ITGBL1: variants seen among roughly 807,000 people sequenced by gnomAD.
The protein encoded by ITGBL1 is integrin beta-like protein 1.
In ITGBL1, 51 loss-of-function variants were observed where a neutral mutation model predicts 68.5. The observed-to-expected ratio is 0.74, with a 90% CI of 0.59 to 0.94. ITGBL1 has a LOEUF of 0.94. Among genes scored for constraint, ITGBL1 ranks in the 40% least tolerant of loss-of-function variants. The pLI is 0.00. For synonymous variants in ITGBL1, 209 were observed against 227.3 expected, an observed-to-expected ratio of 0.92 and a Z score of 0.72; for missense variants, 649 against 647.4, an observed-to-expected ratio of 1.00 and a Z score of -0.03.
chr13:101,595,775 A>G (rs1322466037), intron 6 of ITGBL1, among the ~76,000 whole-genome samples: 1 of 152,168 alleles, frequency 6.6e-6, no homozygotes. Context: ...GCCATTATGG[A>G]CGATACTATG....
In ITGBL1 at chr13:101,699,180, C is replaced by T. The variant is rs544782294; in HGVS notation, c.1132+6479C>T. Among the ~76,000 whole-genome samples the T allele has an allele frequency of 3.9e-5, 6 of 152,294 alleles. No individual in the cohort carries two copies. The East Asian group carries it at 5.8e-4, about 15-fold the overall frequency. ...CTCCAAATTACATCTTAAAATTGCA[C>T]ACCTGTTTCGTGAATTTGTAAGAGG... On this transcript the variant is annotated intron_variant, in intron 8 of 10. Coordinates refer to ENST00000376180, the MANE Select transcript of ITGBL1 (RefSeq NM_004791.3).
intron 2 of ITGBL1, among the ~76,000 whole-genome samples, chr13:101,458,114 G>A (rs1351116916): frequency 1.3e-5 from 2 of 152,120 alleles, no homozygotes; most frequent in African/African-American, 4.8e-5. Flanking sequence ...GGGATAGAAG[G>A]CAGCTTACCA....
At chr13:101,505,965 C>G (rs1004445338) in intron 2 of ITGBL1, among the ~76,000 whole-genome samples, 9 of 152,102 alleles carry the variant, frequency 5.9e-5, no homozygotes, top group Non-Finnish European at 1.3e-4. Context: ...TCTGAGCTCC[C>G]TTTTTTGGCT....
intron 7 of ITGBL1, among the ~76,000 whole-genome samples, chr13:101,604,888 A>ATGTATATATATATATACACC (rs2030629827): frequency 1.1e-4 from 1 of 9,220 alleles, no homozygotes; most frequent in Non-Finnish European, 3.0e-4. Flanking sequence ...ATATATATAT[A>ATGTATATATATATATACACC]CACACACACA....
At chr13:101,616,373 T>G (rs1199806370) in intron 7 of ITGBL1, among the ~76,000 whole-genome samples, 2 of 152,200 alleles carry the variant, frequency 1.3e-5, no homozygotes, top group Admixed American at 1.3e-4. Flanking sequence ...TGAAGTATTT[T>G]GGCTTAAATT....
At chr13:101,517,141 G>C (rs1035960546) in intron 2 of ITGBL1, among the ~76,000 whole-genome samples, 3 of 152,072 alleles carry the variant, frequency 2.0e-5, no homozygotes, top group African/African-American at 7.2e-5. Flanking sequence ...CCTTGCTTCT[G>C]TCTGCCCCTA....
chr13:101,589,893 C>T (rs898592271), intron 6 of ITGBL1, among the ~76,000 whole-genome samples: 1 of 152,090 alleles, frequency 6.6e-6, no homozygotes, highest in Non-Finnish European at 1.5e-5. Flanking sequence ...GGTGTGGGAG[C>T]TTATAGGCTG....
chr13:101,692,809 A>G (rs1399963889), intron 8 of ITGBL1, 108 bp downstream of exon 8: 8 of 759,048 alleles, frequency 1.1e-5, no homozygotes, highest in Non-Finnish European at 1.4e-5. Flanking sequence ...AATAAGATAA[A>G]CAGAAAGCAA....
chr13:101,624,746 T>C (rs759806535), intron 7 of ITGBL1, among the ~76,000 whole-genome samples: 61 of 152,294 alleles, frequency 4.0e-4, no homozygotes, highest in South Asian at 6.2e-4. Context: ...ACAGATTCCC[T>C]TTGTTGATGA....
intron 7 of ITGBL1, among the ~76,000 whole-genome samples, chr13:101,640,114 A>G (rs2032312945): frequency 6.6e-6 from 1 of 152,202 alleles, no homozygotes; most frequent in South Asian, 2.1e-4. Flanking sequence ...TAATTTTTGA[A>G]TCAACTTTCA....
intron 7 of ITGBL1, among the ~76,000 whole-genome samples, chr13:101,686,876 T>C (rs1393282971): frequency 6.6e-6 from 1 of 152,192 alleles, no homozygotes; most frequent in Non-Finnish European, 1.5e-5. Context: ...TATAACATTC[T>C]AAAATTTTAA....
chr13:101,528,956 A>C (rs2049427061), intron 2 of ITGBL1, among the ~76,000 whole-genome samples: 1 of 152,056 alleles, frequency 6.6e-6, no homozygotes, highest in African/African-American at 2.4e-5. Context: ...TAGCTAAATG[A>C]CATTAAGAAT....
intron 7 of ITGBL1, among the ~76,000 whole-genome samples, chr13:101,689,662 C>A (rs1315035890): frequency 3.3e-5 from 5 of 152,022 alleles, no homozygotes; most frequent in Non-Finnish European, 7.4e-5. Context: ...TTTTACCTCT[C>A]TGTCTGCAAT....
Position 101,666,867 on chromosome 13 carries a change from G to A in ITGBL1, c.1016-25718G>A, listed in dbSNP as rs548210959. ...CAAGGTCACCTTCAGGAACCCAGTC[G>A]GTTCCAAGAAAAATTCTATACAATG... On this transcript the variant is annotated intron_variant, in intron 7 of 10. Transcript: ENST00000376180. Among the ~76,000 whole-genome samples, 116 of 152,172 alleles carry A rather than the reference G, an allele frequency of 7.6e-4. 1 individual carries two copies. Among genetic ancestry groups the A allele is most frequent in the African/African-American group, 5.5e-4 (23 of 41,510 alleles).
Position 101,453,914 on chromosome 13 carries a change from C to G in ITGBL1, c.130C>G (p.Arg44Gly). The change falls in exon 2 of 11, where the codon CGG becomes GGG. Residue 44 changes from arginine (R) to glycine (G), a missense_variant. Coordinates refer to ENST00000376180, the MANE Select transcript of ITGBL1 (RefSeq NM_004791.3). ...GCCGGGCGCCGCCTGCAGGCTGTCC[C>G]GGGCCGAGTCGGAGCGACGCTGCCG... Reference protein sequence around the residue: ...SWPGAACRLSRAESERRCRAP... With the variant: ...SWPGAACRLSGAESERRCRAP... 7.6e-7 allele frequency: 1 copy of G among 1,317,216 alleles called. No individual in the cohort carries two copies. Among genetic ancestry groups the G allele is most frequent in the Non-Finnish European group, 9.7e-7 (1 of 1,034,034 alleles). 81.6% of individuals were successfully genotyped at this position (1,317,216 alleles called of 1,614,324 possible). A position where few individuals can be genotyped will look rare whatever the true frequency, so the allele number is the denominator to read the frequency against.
chr13:101,540,528 C>T (rs1448404602), intron 2 of ITGBL1, among the ~76,000 whole-genome samples: 3 of 152,130 alleles, frequency 2.0e-5, no homozygotes, highest in Non-Finnish European at 4.4e-5. Flanking sequence ...ATTGACTTGG[C>T]AATGTGGGCT....
intron 2 of ITGBL1, among the ~76,000 whole-genome samples, chr13:101,456,046 C>T (rs1034270): frequency 0.82 from 124,185 of 152,008 alleles, 51,007 homozygotes; most frequent in South Asian, 0.87. Context: ...GACAGCATTC[C>T]TTTTTCCCTC....
intron 7 of ITGBL1, among the ~76,000 whole-genome samples, chr13:101,598,596 A>G (rs983449672): frequency 4.0e-5 from 6 of 151,796 alleles, no homozygotes; most frequent in South Asian, 2.1e-4. Flanking sequence ...TGCCCCCACC[A>G]CACAACAGTC....
intron 7 of ITGBL1, among the ~76,000 whole-genome samples, chr13:101,668,916 A>G (rs1439422245): frequency 6.6e-6 from 1 of 152,132 alleles, no homozygotes; most frequent in African/African-American, 2.4e-5. Flanking sequence ...CACATTAAAA[A>G]TTTGTTCTAT....
Sources: gnomAD v4.1 joint callset for allele counts (sites outside exome capture counted in the v4.1 genomes callset) on GRCh38, gnomAD v4.1.1 for gene constraint, MANE v1.5 for transcripts, NCBI Gene and HGNC (gene_info 2026-07-23, HGNC 2026-07-21) for gene names.